Variants in MFAP3L observed in about 807,000 individuals in gnomAD.
MFAP3L encodes microfibrillar-associated protein 3-like.
A neutral mutation model predicts 20.0 loss-of-function variants in MFAP3L; 5 were observed. The ratio of observed to expected loss-of-function variants is 0.25; its 90% CI spans 0.13 to 0.53. The LOEUF is 0.53. Among genes scored for constraint, MFAP3L ranks in the 20% least tolerant of loss-of-function variants. MFAP3L has a pLI of 0.96. For missense variants in MFAP3L, 409 were observed against 527.5 expected, an observed-to-expected ratio of 0.78 and a Z score of 2.20; for synonymous variants, 219 against 213.0, an observed-to-expected ratio of 1.03 and a Z score of -0.25.
chr4:170,024,500 A>C (rs1740232608), intron 1 of MFAP3L, among the ~76,000 whole-genome samples: 1 of 152,216 alleles, frequency 6.6e-6, no homozygotes, highest in Non-Finnish European at 1.5e-5. Context: ...TACTTCATGA[A>C]AGATTTTAAA....
At chr4:169,994,119 T>C (rs1737953296) in intron 2 of MFAP3L, 1 of 951,352 alleles carries the variant, frequency 1.1e-6, no homozygotes, top group Non-Finnish European at 1.3e-6. Flanking sequence ...AAAGTCTAAC[T>C]GATTGAAAGC....
chr4:169,997,857 C>T, intron 2 of MFAP3L: 2 of 955,906 alleles, frequency 2.1e-6, no homozygotes, highest in Non-Finnish European at 2.5e-6. Flanking sequence ...CACTCCCATG[C>T]ACTGCAGGTA....
chr4:170,006,235 A>C (rs6814578), intron 1 of MFAP3L, among the ~76,000 whole-genome samples: 21,009 of 151,384 alleles, frequency 0.14, 3,779 homozygotes, highest in African/African-American at 0.41. Context: ...GCCTCAGCCT[A>C]CCAAGTAGCT....
chr4:170,002,028 T>C (rs540462313), intron 2 of MFAP3L: 4 of 985,500 alleles, frequency 4.1e-6, no homozygotes, highest in African/African-American at 3.5e-5. Context: ...TGAATGGCAG[T>C]GTGCTCCTTG....
rs1343970865 is a variant in MFAP3L, at chr4:170,002,154, C to T, written c.298+3426G>A. The T allele has an allele frequency of 4.2e-6, 4 of 957,458 alleles. No individual in the cohort carries two copies. In the African/African-American group the frequency reaches 1.1e-4, roughly 27 times the overall value. The allele number at this position is 957,458 out of a possible 1,614,324, so 59.3% of individuals were successfully genotyped here. A position where few individuals can be genotyped will look rare whatever the true frequency, so the allele number is the denominator to read the frequency against. The stretch of plus-strand genomic sequence containing the variant: ...ACCTTGCTATCGGTAGTGAGGATGC[C>T]TTTTCCATCTAGTTCTTCTCATATT... On this transcript the variant is annotated intron_variant, in intron 2 of 2. Transcript: ENST00000361618.
At chr4:170,025,169 A>T (rs1740271827) in intron 1 of MFAP3L, among the ~76,000 whole-genome samples, 1 of 152,208 alleles carries the variant, frequency 6.6e-6, no homozygotes, top group Non-Finnish European at 1.5e-5. Flanking sequence ...TGTAAGTAAA[A>T]TGTCAGAAGA....
intron 1 of MFAP3L, among the ~76,000 whole-genome samples, chr4:170,012,599 A>G (rs1241740491): frequency 1.3e-5 from 2 of 152,150 alleles, no homozygotes; most frequent in Non-Finnish European, 2.9e-5. Context: ...GGGTGTTGTG[A>G]TGACAAACCA....
At chr4:169,995,934 A>G (rs530314530) in intron 2 of MFAP3L, among the ~76,000 whole-genome samples, 10 of 152,274 alleles carry the variant, frequency 6.6e-5, no homozygotes, top group African/African-American at 2.4e-4. Context: ...CTGAATAGAA[A>G]AGACTCTCAC....
At position 170,026,192 on chromosome 4, in the gene MFAP3L, C is replaced by T. The variant is rs985022166; in HGVS notation, c.-134+42G>A. ...CGACCCGGTGCGGGGCTGGCTCCCACCCGTGCCCCTCCGCCCCGGCCCGCC... is the reference window on the plus strand; with the variant it reads ...CGACCCGGTGCGGGGCTGGCTCCCATCCGTGCCCCTCCGCCCCGGCCCGCC... On this transcript the variant is annotated intron_variant, in intron 1 of 2. Transcript: ENST00000361618. 28 of 978,234 alleles carry T rather than the reference C, an allele frequency of 2.9e-5. No individual in the cohort carries two copies. The African/African-American group carries it at 4.4e-4, about 15-fold the overall frequency. 60.6% of individuals were successfully genotyped at this position (978,234 alleles called of 1,614,324 possible). A position where few individuals can be genotyped will look rare whatever the true frequency, so the allele number is the denominator to read the frequency against.
intron 1 of MFAP3L, among the ~76,000 whole-genome samples, chr4:170,011,919 G>T (rs750038887): frequency 6.6e-6 from 1 of 152,208 alleles, no homozygotes; most frequent in Non-Finnish European, 1.5e-5. Context: ...AATATTGAAA[G>T]AAACGATTAC....
chr4:169,991,709 G>A lies in MFAP3L; in HGVS notation c.899C>T (p.Ala300Val). The A allele has an allele frequency of 6.2e-7, 1 of 1,614,162 alleles. No individual in the cohort carries two copies. ...CAGCGATGAGGCGTCCGAGTCAGCG[G>A]CAGGGGAGTCGCTCCGCTTCAGAGA... ...PNSLKRSDSPAADSDASSLHE... is the reference protein window; with the variant it reads ...PNSLKRSDSPVADSDASSLHE... The change falls in exon 3 of 3, where the codon GCC becomes GTC. Residue 300 changes from alanine to valine, a missense_variant. Physicochemically the swap from Ala to Val is moderately conservative, Grantham distance 64 (BLOSUM62 0). Around this residue, in one of 3 missense-constraint regions of MFAP3L, gnomAD observed 169 missense variants for 178.2 expected, o/e 0.95. Transcript: ENST00000361618. This position sits in a 1 kb window ranked among gnomAD's most constrained non-coding sequence, Gnocchi z 4.9.
At chr4:169,998,888 A>C (rs1738405380) in intron 2 of MFAP3L, among the ~76,000 whole-genome samples, 1 of 152,238 alleles carries the variant, frequency 6.6e-6, no homozygotes. Flanking sequence ...GCAAACAATA[A>C]ATGAAATACA....
chr4:169,998,667 C>T (rs1174025350), intron 2 of MFAP3L, among the ~76,000 whole-genome samples: 1 of 151,940 alleles, frequency 6.6e-6, no homozygotes, highest in Non-Finnish European at 1.5e-5. Flanking sequence ...TGTGTGTAAA[C>T]AGTGATGGAC....
chr4:170,006,074 T>C (rs758617635), intron 1 of MFAP3L, 64 bp from the exon 2 acceptor site: 24 of 1,249,672 alleles, frequency 1.9e-5, no homozygotes, highest in Non-Finnish European at 2.4e-5. Context: ...CAAAACACTA[T>C]AAACGGTTAG....
chr4:170,009,870 G>T (rs1739268867), intron 1 of MFAP3L, among the ~76,000 whole-genome samples: 1 of 152,184 alleles, frequency 6.6e-6, no homozygotes, highest in Non-Finnish European at 1.5e-5. Context: ...TGTGTAAGGG[G>T]TGTTTTGTAC....
intron 1 of MFAP3L, among the ~76,000 whole-genome samples, chr4:170,007,761 G>A (rs1190934066): frequency 6.6e-6 from 1 of 152,120 alleles, no homozygotes; most frequent in Non-Finnish European, 1.5e-5. Context: ...TGTATTCTGT[G>A]GTGAGCATGT....
intron 2 of MFAP3L, chr4:169,994,544 T>G: frequency 2.1e-6 from 2 of 975,140 alleles, no homozygotes; most frequent in Non-Finnish European, 2.4e-6. Context: ...AAAATGTTTC[T>G]GAACGTGAAC....
chr4:169,991,849 G>A lies in MFAP3L; in HGVS notation c.759C>T (p.Ile253=). The change falls in exon 3 of 3, where the codon ATC becomes ATT. Residue 253 remains isoleucine, a synonymous_variant. Coordinates refer to ENST00000361618, the MANE Select transcript of MFAP3L (RefSeq NM_021647.8). This position sits in a 1 kb window ranked among gnomAD's most constrained non-coding sequence, Gnocchi z 4.9. ...CAACCACCTCCATAATCTCCTCCAT[G>A]ATAGTCCTGCAGTTCATAATGAGAG... The part of the protein sequence containing the change: ...LPPLIMNCRT[I]MEEIMEVVGL... 1 of 1,614,100 alleles carries A rather than the reference G, an allele frequency of 6.2e-7. No individual in the cohort carries two copies.
rs1737662173 is a variant in MFAP3L, at chr4:169,991,471, T to A, written c.1137A>T (p.Pro379=). 6.2e-7 allele frequency: 1 copy of A among 1,614,178 alleles called. No homozygotes were observed. Among genetic ancestry groups the A allele is most frequent in the Non-Finnish European group, 8.5e-7 (1 of 1,180,028 alleles). ...GGTAAGCTGGCGGCAGTACCTTATC[T>A]GGTACCTCAACAGGTGTTGGCTCTT... ...TSEEPTPVEV[P]DKVLPPAYLE... Residue 379 remains proline, a synonymous_variant, in exon 3 of 3, where the codon CCA becomes CCT. Transcript: ENST00000361618. This position sits in a 1 kb window ranked among gnomAD's most constrained non-coding sequence, Gnocchi z 4.9.
Sources: gnomAD v4.1 joint callset for allele counts (sites outside exome capture counted in the v4.1 genomes callset) on GRCh38, gnomAD v4.1.1 for gene constraint, gnomAD v4.1.1 regional missense constraint, Gnocchi (gnomAD v3.1) non-coding constraint, MANE v1.5 for transcripts, NCBI Gene and HGNC (gene_info 2026-07-23, HGNC 2026-07-21) for gene names.